WNT4: variants seen among roughly 807,000 people sequenced by gnomAD.
WNT4 encodes the protein protein Wnt-4.
In WNT4, 16 loss-of-function variants were observed where a neutral mutation model predicts 34.5. The observed-to-expected ratio is 0.46, with a 90% CI of 0.31 to 0.70. WNT4 has a LOEUF of 0.70. Among genes scored for constraint, WNT4 ranks in the 30% least tolerant of loss-of-function variants. The pLI is 0.04. For synonymous variants in WNT4, 200 were observed against 211.9 expected (o/e 0.94, Z 0.49); for missense variants, 379 against 495.9 (o/e 0.76, Z 2.24).
At position 22,142,688 on chromosome 1, in the gene WNT4, C is replaced by T. The variant is rs987638538; in HGVS notation, c.77+158G>A. Among the ~76,000 whole-genome samples, 3 of 151,388 alleles carry T rather than the reference C, an allele frequency of 2.0e-5. No individual in the cohort carries two copies. The highest frequency in any genetic ancestry group is 1.9e-4 in the East Asian group (1 of 5,134). On this transcript the variant is annotated intron_variant, in intron 1 of 4. Coordinates refer to ENST00000290167, the MANE Select transcript of WNT4 (RefSeq NM_030761.5). This position sits in a 1 kb window ranked among gnomAD's most constrained non-coding sequence, Gnocchi z 6.0. ...CCGGGTGTGCAGAGGGACGTTCGGG[C>T]CGTGGCGGCGGCAGCGGAGCGAGCG...
chr1:22,127,359 C>T (rs543185742), intron 2 of WNT4: 14 of 532,928 alleles, frequency 2.6e-5, no homozygotes, highest in African/African-American at 2.1e-4. Flanking sequence ...TGAGTACCCA[C>T]GATGGCTTCA....
At chr1:22,135,638 T>G (rs10799737) in intron 1 of WNT4, among the ~76,000 whole-genome samples, 102,798 of 152,100 alleles carry the variant, frequency 0.68, 35,053 homozygotes, top group African/African-American at 0.74. Context: ...CTGTGGTCTC[T>G]GTAGCTGTTG....
At position 22,120,015 on chromosome 1, in the gene WNT4, A is replaced by G. The variant is rs759711375; in HGVS notation, c.*35T>C. On this transcript the variant is annotated 3_prime_UTR_variant, in exon 5 of 5. Coordinates refer to ENST00000290167, the MANE Select transcript of WNT4 (RefSeq NM_030761.5). Reference sequence around the variant, plus strand: ...TTAAATTATCGGCCTTCCCTGGGCCACTAGGTGGTTGCCGGCGCAGGGCTA... The same window carrying G: ...TTAAATTATCGGCCTTCCCTGGGCCGCTAGGTGGTTGCCGGCGCAGGGCTA... The G allele has an allele frequency of 6.3e-7, 1 of 1,599,500 alleles. No individual in the cohort carries two copies. The highest frequency in any genetic ancestry group is 1.3e-5 in the African/African-American group (1 of 74,850).
At chr1:22,120,644 GCCT>G in intron 4 of WNT4, 127 bp from the exon 5 acceptor site, 1 of 961,326 alleles carries the variant, frequency 1.0e-6, no homozygotes, top group Non-Finnish European at 1.6e-6. Context: ...TTGCCGTTGT[GCCT>G]CCTCTTAGGA....
chr1:22,132,858 C>A (rs1254355399), intron 1 of WNT4, among the ~76,000 whole-genome samples: 2 of 152,128 alleles, frequency 1.3e-5, no homozygotes, highest in Non-Finnish European at 2.9e-5. Context: ...CACCCCTGTT[C>A]CCCCAGACCC....
chr1:22,142,776 C>T lies in WNT4; in HGVS notation c.77+70G>A. 1 of 977,344 alleles carries T rather than the reference C, an allele frequency of 1.0e-6. No individual in the cohort carries two copies. Among genetic ancestry groups the T allele is most frequent in the Non-Finnish European group, 1.2e-6 (1 of 820,380 alleles). 60.5% of individuals were successfully genotyped at this position (977,344 alleles called of 1,614,324 possible). On this transcript the variant is annotated intron_variant, in intron 1 of 4. Coordinates refer to ENST00000290167, the MANE Select transcript of WNT4 (RefSeq NM_030761.5). The surrounding 1 kb of genome is among the most constrained non-coding windows in gnomAD (Gnocchi z 6.0). ...CCCCGCGCCCGCTGCCCCGCGCCGC[C>T]TGGCACCGGCCGCTGCCCCCGGGGC...
Position 22,134,330 on chromosome 1 carries a change from C to T in WNT4, c.78-4479G>A, listed in dbSNP as rs143253682. ...CTTGGGGGATGCGGGCCAGTGGGGG[C>T]GAAAGTGACCACAGTCCCCATCTAG... On this transcript the variant is annotated intron_variant, in intron 1 of 4. Coordinates refer to ENST00000290167, the MANE Select transcript of WNT4 (RefSeq NM_030761.5). The surrounding 1 kb of genome is among the most constrained non-coding windows in gnomAD (Gnocchi z 4.1). Among the ~76,000 whole-genome samples the T allele has an allele frequency of 9.7e-3, 1,477 of 152,182 alleles. 23 individuals carry two copies. The highest frequency in any genetic ancestry group is 0.034 in the African/African-American group (1,397 of 41,504).
intron 2 of WNT4, among the ~76,000 whole-genome samples, chr1:22,123,555 C>T (rs750224440): frequency 2.6e-5 from 4 of 152,210 alleles, no homozygotes; most frequent in African/African-American, 4.8e-5. Flanking sequence ...AAGGACTTCA[C>T]ATGTGTTATA....
In WNT4 at chr1:22,117,916, AT is replaced by A. The variant is rs1175665541; in HGVS notation, c.*2133del. 3 of 151,970 alleles carry A rather than the reference AT, an allele frequency of 2.0e-5. No individual in the cohort carries two copies. The highest frequency in any genetic ancestry group is 2.4e-5 in the African/African-American group (1 of 41,430). 9.4% of individuals were successfully genotyped at this position (151,970 alleles called of 1,614,324 possible). On this transcript the variant is annotated 3_prime_UTR_variant, in exon 5 of 5. Transcript: ENST00000290167. ...CTAGCCTCTGCTAGTGAGGCATAGT[AT>A]TTTTTTTGGGCTTAGTAGACAGCTG...
Position 22,119,171 on chromosome 1 carries a change from GGT to G in WNT4, c.*877_*878del, listed in dbSNP as rs138159299. ...AGCCCTTTCCTCCCTCTCTCTCGCA[GGT>G]GTGTGTGTGTGTCCGTGTGTGTGTG... On this transcript the variant is annotated 3_prime_UTR_variant, in exon 5 of 5. Transcript: ENST00000290167. 1.4e-4 allele frequency: 20 copies of G among 138,040 alleles called. No individual in the cohort carries two copies. Among genetic ancestry groups the G allele is most frequent in the Middle Eastern group, 3.2e-3 (1 of 308 alleles). The allele number at this position is 138,040 out of a possible 1,614,324, so 8.6% of individuals were successfully genotyped here. A position where few individuals can be genotyped will look rare whatever the true frequency, so the allele number is the denominator to read the frequency against.
rs1195095123 is a variant in WNT4 at position 22,142,878 on chromosome 1, G to A, written c.45C>T (p.Phe15=). ...SCLRSLRLLV[F]AVFSAAASNW... is the part of the protein sequence containing the mutation. ...TGCTCGCGGCGGCTGAGAAGACGGC[G>A]AAGACGAGGAGGCGCAGCGAACGCA... is the stretch of plus-strand genomic sequence containing the variant. The change falls in exon 1 of 5, where the codon TTC becomes TTT. Residue 15 remains phenylalanine, a synonymous_variant. Transcript: ENST00000290167. This position sits in a 1 kb window ranked among gnomAD's most constrained non-coding sequence, Gnocchi z 6.0. 3 of 1,211,502 alleles carry A rather than the reference G, an allele frequency of 2.5e-6. No individual in the cohort carries two copies. Among genetic ancestry groups the A allele is most frequent in the South Asian group, 1.4e-5 (1 of 73,070 alleles). The allele number at this position is 1,211,502 out of a possible 1,614,324, so 75.0% of individuals were successfully genotyped here. A position where few individuals can be genotyped will look rare whatever the true frequency, so the allele number is the denominator to read the frequency against.
Position 22,129,676 on chromosome 1 carries a change from G to A in WNT4, c.253C>T (p.Arg85Trp), listed in dbSNP as rs1366865538. The A allele has an allele frequency of 6.8e-6, 11 of 1,613,848 alleles. No individual in the cohort carries two copies. Among genetic ancestry groups the A allele is most frequent in the East Asian group, 2.2e-5 (1 of 44,876 alleles). Residue 85 changes from arginine (R) to tryptophan (W), a missense_variant, in exon 2 of 5, where the codon CGG (arginine) becomes TGG (tryptophan). Coordinates refer to ENST00000290167, the MANE Select transcript of WNT4 (RefSeq NM_030761.5). The stretch of plus-strand genomic sequence containing the variant: ...TCGAGTGTGGAGCAGTTCCAGCGCC[G>A]GTTCCGGAACTGGTACTGGCACTCC... ...IEECQYQFRN[R>W]RWNCSTLDSL...
intron 1 of WNT4, among the ~76,000 whole-genome samples, chr1:22,136,847 T>C (rs915219922): frequency 6.6e-6 from 1 of 152,094 alleles, no homozygotes; most frequent in Non-Finnish European, 1.5e-5. Context: ...CCCCTCACAC[T>C]CATGCCTCGA....
chr1:22,128,676 G>A (rs930238634), intron 2 of WNT4, among the ~76,000 whole-genome samples: 5 of 152,094 alleles, frequency 3.3e-5, no homozygotes, highest in African/African-American at 9.7e-5. Flanking sequence ...CCTGGGAGCG[G>A]GACGGCCTGG....
chr1:22,128,470 G>A (rs765539367), intron 2 of WNT4, among the ~76,000 whole-genome samples: 4 of 152,156 alleles, frequency 2.6e-5, no homozygotes, highest in African/African-American at 7.2e-5. Context: ...TCCATAGACC[G>A]TTCTCTATGC....
chr1:22,121,442 T>C lies in WNT4; in HGVS notation c.445+3A>G. ...TCCCACTCTGACCACCTCCTGCACC[T>C]ACCCTGTGGGCTGACCCCATGCACT... On this transcript the variant is annotated splice_donor_region_variant and intron_variant, in intron 3 of 4. Transcript: ENST00000290167. 6.2e-7 allele frequency: 1 copy of C among 1,613,990 alleles called. No individual in the cohort carries two copies. The highest frequency in any genetic ancestry group is 8.5e-7 in the Non-Finnish European group (1 of 1,180,010).
rs1645894299 is a variant in WNT4 at position 22,121,141 on chromosome 1, G to A, written c.588+70C>T. On this transcript the variant is annotated intron_variant, in intron 4 of 4. Transcript: ENST00000290167. The stretch of plus-strand genomic sequence containing the variant: ...CAAATGTTTTCTGAGTGGCCGTGTG[G>A]GTGGGAGAGTCTGGGGCCCTGCCCA... 4.6e-6 allele frequency: 7 copies of A among 1,510,570 alleles called. No homozygotes were observed. The African/African-American group carries it at 1.2e-4, about 26-fold the overall frequency. The allele number at this position is 1,510,570 out of a possible 1,614,324, so 93.6% of individuals were successfully genotyped here.
chr1:22,138,117 A>G (rs1646036427), intron 1 of WNT4, among the ~76,000 whole-genome samples: 1 of 152,226 alleles, frequency 6.6e-6, no homozygotes. Context: ...AAGAAACCAC[A>G]TGATTAGACT....
intron 1 of WNT4, among the ~76,000 whole-genome samples, chr1:22,132,492 G>A (rs1057058929): frequency 1.3e-5 from 2 of 152,216 alleles, no homozygotes; most frequent in African/African-American, 4.8e-5. Context: ...CACTGTCGGA[G>A]TTGGTGGGCC....
Sources: gnomAD v4.1 joint callset for allele counts (sites outside exome capture counted in the v4.1 genomes callset) on GRCh38, gnomAD v4.1.1 for gene constraint, Gnocchi (gnomAD v3.1) non-coding constraint, MANE v1.5 for transcripts, NCBI Gene and HGNC (gene_info 2026-07-23, HGNC 2026-07-21) for gene names.